Variants in CACNA2D3 observed in about 807,000 individuals in gnomAD.
CACNA2D3 encodes the protein calcium voltage-gated channel auxiliary subunit alpha2delta 3.
CACNA2D3 carries 60 observed loss-of-function variants against 160.6 expected under a neutral mutation model. The ratio of observed to expected loss-of-function variants is 0.37; its 90% confidence interval spans 0.30 to 0.46. CACNA2D3 has a LOEUF of 0.46. CACNA2D3 is among the 20% of genes least tolerant of loss of function. The pLI is 1.00. For synonymous variants in CACNA2D3, 558 were observed against 492.9 expected (o/e 1.13, Z -1.75); for missense variants, 1,205 against 1,365.0 (o/e 0.88, Z 1.85).
At chr3:54,641,014 C>A (rs528542799) in intron 10 of CACNA2D3, among the ~76,000 whole-genome samples, 1 of 151,446 alleles carries the variant, frequency 6.6e-6, no homozygotes, top group Non-Finnish European at 1.5e-5. Context: ...TTTTGAAATC[C>A]CCCTGTGATC....
intron 3 of CACNA2D3, among the ~76,000 whole-genome samples, chr3:54,340,556 G>C (rs1704495467): frequency 2.0e-5 from 3 of 152,228 alleles, no homozygotes; most frequent in African/African-American, 7.2e-5. Flanking sequence ...ATGGGAAGCA[G>C]AAAGGTTCAT....
At chr3:54,325,673 G>A (rs1474374300) in intron 3 of CACNA2D3, among the ~76,000 whole-genome samples, 6 of 152,234 alleles carry the variant, frequency 3.9e-5, no homozygotes, top group East Asian at 3.9e-4. Context: ...TTGTGGTAGC[G>A]TTTCAAGCAA....
chr3:54,584,138 C>T (rs1194565622), intron 9 of CACNA2D3, among the ~76,000 whole-genome samples: 6 of 151,886 alleles, frequency 4.0e-5, no homozygotes, highest in Non-Finnish European at 5.9e-5. Context: ...TCCAGAGTCT[C>T]ATAATATAAA....
At chr3:54,587,117 T>C (rs1702776001) in intron 9 of CACNA2D3, among the ~76,000 whole-genome samples, 1 of 151,170 alleles carries the variant, frequency 6.6e-6, no homozygotes, top group Non-Finnish European at 1.5e-5. Flanking sequence ...TAGTGCAAAA[T>C]AAAACTAAAG....
chr3:54,763,454 ATTG>A (rs937684320), intron 12 of CACNA2D3, among the ~76,000 whole-genome samples: 19 of 152,132 alleles, frequency 1.2e-4, no homozygotes, highest in South Asian at 8.3e-4. Flanking sequence ...CATAACTATT[ATTG>A]TTATGTTTAT....
chr3:54,142,284 C>T (rs1033626921), intron 2 of CACNA2D3, among the ~76,000 whole-genome samples: 2 of 152,192 alleles, frequency 1.3e-5, no homozygotes, highest in Non-Finnish European at 2.9e-5. Context: ...GCCCCAAACT[C>T]CCTCCCTTGC....
chr3:54,360,755 C>T (rs951922850), intron 3 of CACNA2D3, among the ~76,000 whole-genome samples: 2 of 152,080 alleles, frequency 1.3e-5, no homozygotes, highest in Non-Finnish European at 2.9e-5. Context: ...ATATATCATT[C>T]ATAATGTAAA....
intron 4 of CACNA2D3, among the ~76,000 whole-genome samples, chr3:54,480,943 C>T (rs1700922860): frequency 6.6e-6 from 1 of 152,218 alleles, no homozygotes; most frequent in Non-Finnish European, 1.5e-5. Context: ...AGCCTTCTCA[C>T]TCATAGGCCT....
intron 16 of CACNA2D3, among the ~76,000 whole-genome samples, chr3:54,843,648 T>C (rs190941678): frequency 3.4e-4 from 52 of 152,364 alleles, no homozygotes; most frequent in African/African-American, 1.3e-3. Flanking sequence ...GTCAGAATTA[T>C]CTTTGACTTG....
Position 54,880,116 on chromosome 3 carries a change from A to C in CACNA2D3, c.1845-680A>C, listed in dbSNP as rs550020908. 9.8e-5 allele frequency among the ~76,000 whole-genome samples: 15 copies of C among 152,324 alleles called. No homozygotes were observed. In the South Asian group the frequency reaches 3.1e-3, roughly 32 times the overall value. ...ATAAATTCTAGCATTGTTGTCCTAA[A>C]CTGCCAAGGATCATGGGTGGATTCC... On this transcript the variant is annotated intron_variant, in intron 20 of 37. Coordinates refer to ENST00000474759, the MANE Select transcript of CACNA2D3 (RefSeq NM_018398.3).
intron 4 of CACNA2D3, among the ~76,000 whole-genome samples, chr3:54,419,942 T>G (rs1175727179): frequency 2.0e-5 from 3 of 151,798 alleles, no homozygotes; most frequent in African/African-American, 7.3e-5. Context: ...ATTTTTGTAT[T>G]TTTAGTAGAG....
chr3:54,421,005 A>C (rs1048706384), intron 4 of CACNA2D3, among the ~76,000 whole-genome samples: 3 of 152,108 alleles, frequency 2.0e-5, no homozygotes, highest in Non-Finnish European at 4.4e-5. Flanking sequence ...TTCTTCCTCT[A>C]TTGGGTTACA....
intron 11 of CACNA2D3, among the ~76,000 whole-genome samples, chr3:54,750,880 CT>C (rs1006767450): frequency 5.9e-5 from 9 of 152,100 alleles, no homozygotes; most frequent in African/African-American, 2.2e-4. Context: ...AGCAATTCTC[CT>C]GCCTCAGCCT....
intron 2 of CACNA2D3, among the ~76,000 whole-genome samples, chr3:54,231,807 C>T (rs187992572): frequency 3.0e-4 from 44 of 148,842 alleles, no homozygotes; most frequent in African/African-American, 9.5e-4. Context: ...TATTCCATTC[C>T]GTAGAGGCAG....
intron 35 of CACNA2D3, among the ~76,000 whole-genome samples, chr3:55,018,760 T>G (rs1703383089): frequency 6.6e-6 from 1 of 152,150 alleles, no homozygotes; most frequent in South Asian, 2.1e-4. Context: ...GTTGAGCCTC[T>G]TTTAATGGCT....
intron 2 of CACNA2D3, among the ~76,000 whole-genome samples, chr3:54,275,927 C>T (rs7617197): frequency 0.14 from 21,091 of 152,030 alleles, 1,674 homozygotes; most frequent in African/African-American, 0.22. Context: ...TGCACCTGGC[C>T]GGAAAGTATC....
chr3:54,821,453 A>G (rs1484033369), intron 14 of CACNA2D3, among the ~76,000 whole-genome samples: 1 of 152,200 alleles, frequency 6.6e-6, no homozygotes, highest in Non-Finnish European at 1.5e-5. Flanking sequence ...ATGAGGACTC[A>G]GGAGTGCATA....
At chr3:55,070,252 C>A (rs1704771572) in intron 35 of CACNA2D3, among the ~76,000 whole-genome samples, 1 of 152,096 alleles carries the variant, frequency 6.6e-6, no homozygotes, top group Admixed American at 6.6e-5. Context: ...ATAACTGATT[C>A]AGTTGGAGTG....
intron 2 of CACNA2D3, among the ~76,000 whole-genome samples, chr3:54,130,064 C>A (rs552762791): frequency 2.6e-4 from 39 of 152,314 alleles, no homozygotes; most frequent in Non-Finnish European, 4.7e-4. Flanking sequence ...GAGATCAGAA[C>A]TGGCTATGTA....
Sources: gnomAD v4.1 joint callset for allele counts (sites outside exome capture counted in the v4.1 genomes callset) on GRCh38, gnomAD v4.1.1 for gene constraint, MANE v1.5 for transcripts, NCBI Gene and HGNC (gene_info 2026-07-23, HGNC 2026-07-21) for gene names.